The following TBXAS1 variants were observed in gnomAD, a reference collection of about 807,000 sequenced individuals.
The protein encoded by TBXAS1 is thromboxane-A synthase.
A neutral mutation model predicts 60.7 loss-of-function variants in TBXAS1; 48 were observed. The observed-to-expected ratio is 0.79, with a 90% CI of 0.63 to 1.01. The LOEUF is 1.01. Ranked by LOEUF, TBXAS1 falls within the 50% of genes least tolerant of loss-of-function variation. The pLI, the probability that TBXAS1 is intolerant of heterozygous loss-of-function variation, is 0.00. For missense variants in TBXAS1, 685 were observed against 686.3 expected, an observed-to-expected ratio of 1.00 and a Z score of 0.02; for synonymous variants, 287 against 269.7, an observed-to-expected ratio of 1.06 and a Z score of -0.63.
At chr7:139,970,148 C>T (rs1026078527) in intron 9 of TBXAS1, among the ~76,000 whole-genome samples, 6 of 152,158 alleles carry the variant, frequency 3.9e-5, no homozygotes, top group African/African-American at 9.7e-5. Context: ...TCACTGTCCC[C>T]GAGGCTGGAG....
chr7:139,789,212 ATCTCTCTCTC>A (rs138299225), intron 4 of TBXAS1: 5 of 142,500 alleles, frequency 3.5e-5, no homozygotes, highest in African/African-American at 7.6e-5. Flanking sequence ...AATATGTTTA[ATCTCTCTCTC>A]TCTCTCTCTC....
chr7:139,821,545 A>G (rs987376004), intron 4 of TBXAS1, among the ~76,000 whole-genome samples: 5 of 152,220 alleles, frequency 3.3e-5, no homozygotes, highest in Non-Finnish European at 7.3e-5. Flanking sequence ...GAGCCCATCC[A>G]TATCTCCATA....
intron 5 of TBXAS1, among the ~76,000 whole-genome samples, chr7:139,941,030 GGGAAA>G (rs1354857428): frequency 6.6e-6 from 1 of 152,134 alleles, no homozygotes; most frequent in Non-Finnish European, 1.5e-5. Context: ...GACACAAAGA[GGGAAA>G]TGAGCCACAG....
At position 139,872,257 on chromosome 7, in the gene TBXAS1, A is replaced by G. The variant is rs137899905; in HGVS notation, c.112A>G (p.Arg38Gly). 1.6e-5 allele frequency: 26 copies of G among 1,614,016 alleles called. No homozygotes were observed. The highest frequency in any genetic ancestry group is 1.9e-5 in the Non-Finnish European group (23 of 1,179,982). Residue 38 changes from arginine (R) to glycine (G), a missense_variant, in exon 2 of 13, where the codon AGA becomes GGA. By Grantham distance (125) the Arg-to-Gly change is moderately radical. Transcript: ENST00000448866. ...LKWYSTSAFS[R>G]LEKLGLRHPK... ...CAGGTACTCCACATCAGCATTCTCA[A>G]GACTGGAGAAGTTAGGCCTCAGACA...
chr7:139,799,795 A>G (rs1022884968), intron 4 of TBXAS1, among the ~76,000 whole-genome samples: 1 of 152,168 alleles, frequency 6.6e-6, no homozygotes, highest in Non-Finnish European at 1.5e-5. Flanking sequence ...CATGTTGTAG[A>G]ACAACTTCCT....
At chr7:139,905,692 T>C (rs2117022341) in intron 3 of TBXAS1, among the ~76,000 whole-genome samples, 1 of 152,342 alleles carries the variant, frequency 6.6e-6, no homozygotes, top group Non-Finnish European at 1.5e-5. Flanking sequence ...AAAGTATTGG[T>C]ACCAATTCTT....
chr7:139,953,629 A>C lies in TBXAS1; in HGVS notation c.539+173A>C, dbSNP rs553438141. 7.2e-5 allele frequency: 47 copies of C among 648,784 alleles called. No individual in the cohort carries two copies. The African/African-American group carries it at 8.4e-4, about 12-fold the overall frequency. 40.2% of individuals were successfully genotyped at this position (648,784 alleles called of 1,614,324 possible). ...AGAAAAGAAACCCACTTAACATGGG[A>C]AAGAGATGTGAGCAGAGCCAGGGTA... On this transcript the variant is annotated intron_variant, in intron 6 of 12. Transcript: ENST00000448866.
chr7:139,904,892 G>GT (rs1317227374), intron 3 of TBXAS1, among the ~76,000 whole-genome samples: 1 of 152,040 alleles, frequency 6.6e-6, no homozygotes, highest in East Asian at 1.9e-4. Flanking sequence ...ATTGTCAGCA[G>GT]TGACAGTTTG....
At chr7:139,873,199 G>A (rs1481558796) in intron 2 of TBXAS1, among the ~76,000 whole-genome samples, 1 of 152,174 alleles carries the variant, frequency 6.6e-6, no homozygotes, top group Non-Finnish European at 1.5e-5. Flanking sequence ...GAGAATGACA[G>A]CACAGGTTGA....
rs747425088 is a variant in TBXAS1 at position 139,955,579 on chromosome 7, C to T, written c.660C>T (p.Cys220=). The T allele has an allele frequency of 1.2e-5, 20 of 1,614,116 alleles. No homozygotes were observed. Among genetic ancestry groups the T allele is most frequent in the Non-Finnish European group, 1.7e-5 (20 of 1,180,058 alleles). The change falls in exon 7 of 13, where the codon TGC becomes TGT. Residue 220 remains cysteine, a synonymous_variant. Coordinates refer to ENST00000448866, the MANE Select transcript of TBXAS1 (RefSeq NM_001061.7). ...VKHCKRFFEF[C]IPRPILVLLL... ...ACTGCAAGCGTTTCTTCGAATTCTG[C>T]ATCCCCAGACCTATCCTGGTTTTAC...
At chr7:139,936,483 C>T (rs936107560) in intron 5 of TBXAS1, among the ~76,000 whole-genome samples, 176 bp downstream of exon 5, 3 of 152,174 alleles carry the variant, frequency 2.0e-5, no homozygotes, top group Admixed American at 1.3e-4. Context: ...CTGTGTTGAG[C>T]GTCTTTCGTC....
At chr7:139,832,173 A>T (rs902018113) in intron 1 of TBXAS1, among the ~76,000 whole-genome samples, 2 of 152,162 alleles carry the variant, frequency 1.3e-5, no homozygotes, top group Non-Finnish European at 2.9e-5. Flanking sequence ...GAGTGCCCCA[A>T]CTGCGGAAGT....
chr7:139,818,258 G>T (rs1390383812), intron 4 of TBXAS1, among the ~76,000 whole-genome samples: 1 of 152,126 alleles, frequency 6.6e-6, no homozygotes, highest in Non-Finnish European at 1.5e-5. Flanking sequence ...GTTAGGAGAG[G>T]GTGAAGGTAT....
At chr7:139,875,465 C>T in intron 2 of TBXAS1, 120 bp from the exon 3 acceptor site, 1 of 859,852 alleles carries the variant, frequency 1.2e-6, no homozygotes, top group East Asian at 2.6e-5. Context: ...ATATAACTTC[C>T]ATTCTTTTTT....
intron 3 of TBXAS1, among the ~76,000 whole-genome samples, chr7:139,891,029 G>A (rs935586243): frequency 1.3e-5 from 2 of 151,774 alleles, no homozygotes; most frequent in South Asian, 2.1e-4. Flanking sequence ...TGCTTTCAAG[G>A]TCCAGCACAG....
chr7:139,961,964 G>A lies in TBXAS1; in HGVS notation c.865G>A (p.Ala289Thr), dbSNP rs1256548510. ...AATGGTCCTGGATGCCCGACATTCT[G>A]CAAGTCCCATGGGCGTGCAAGACTT... ...LQMVLDARHS[A>T]SPMGVQDFDI... Residue 289 changes from alanine to threonine, a missense_variant, in exon 9 of 13, where the codon GCA becomes ACA. By Grantham distance (58) the Ala-to-Thr change is moderately conservative. Transcript: ENST00000448866. The A allele has an allele frequency of 3.7e-6, 6 of 1,614,198 alleles. No homozygotes were observed. Among genetic ancestry groups the A allele is most frequent in the Non-Finnish European group, 4.2e-6 (5 of 1,180,040 alleles).
intron 6 of TBXAS1, 43 bp from the exon 7 acceptor site, chr7:139,955,416 C>T (rs1465389326): frequency 6.2e-7 from 1 of 1,613,704 alleles, no homozygotes; most frequent in African/African-American, 1.3e-5. Context: ...TGGGTAGCCC[C>T]TGCCAGAGTC....
Position 139,792,879 on chromosome 7 carries a change from A to G in TBXAS1, c.-80+5453A>G, listed in dbSNP as rs76710956. On this transcript the variant is annotated intron_variant, in intron 4 of 16. Coordinates refer to the TBXAS1 transcript ENST00000336425. ...TTTGAGGCCCAGGTAAGAGAACATC[A>G]ATAGGAAACAAAGCAAGATGGTAAA... Among the ~76,000 whole-genome samples, 10 of 152,274 alleles carry G rather than the reference A, an allele frequency of 6.6e-5. No homozygotes were observed. In the East Asian group the frequency reaches 1.9e-3, roughly 29 times the overall value.
chr7:139,829,138 G>T, upstream of TBXAS1: 3 of 611,948 alleles, frequency 4.9e-6, no homozygotes, highest in Non-Finnish European at 3.0e-6. Context: ...AATGTTTATT[G>T]ACAGTGCAGT....
Sources: gnomAD v4.1 joint callset for allele counts (sites outside exome capture counted in the v4.1 genomes callset) on GRCh38, gnomAD v4.1.1 for gene constraint, MANE v1.5 for transcripts, NCBI Gene and HGNC (gene_info 2026-07-23, HGNC 2026-07-21) for gene names.